Variants in PLAGL1 observed in about 807,000 individuals in gnomAD.
PLAGL1 encodes PLAG1 like zinc finger 1, also known as zinc finger protein PLAGL1.
In PLAGL1, 1 loss-of-function variant was observed where a neutral mutation model predicts 4.6. The observed-to-expected ratio is 0.22, with a 90% CI of 0.08 to 1.03. PLAGL1 has a LOEUF of 1.03. Among genes scored for constraint, PLAGL1 ranks in the 50% least tolerant of loss-of-function variants. The pLI, the probability that PLAGL1 is intolerant of heterozygous loss-of-function variation, is 0.58. For missense variants in PLAGL1, 464 were observed against 570.4 expected (o/e 0.81, Z 1.90); for synonymous variants, 240 against 237.8 (o/e 1.01, Z -0.08).
At position 143,948,191 on chromosome 6, in the gene PLAGL1, T is replaced by C; in HGVS notation, c.-55A>G. 6.5e-7 allele frequency: 1 copy of C among 1,544,328 alleles called. No homozygotes were observed. Among genetic ancestry groups the C allele is most frequent in the Non-Finnish European group, 8.9e-7 (1 of 1,120,922 alleles). On this transcript the variant is annotated 5_prime_UTR_variant, in exon 7 of 8. An upstream start codon of the reference 5' UTR is lost. Transcript: ENST00000674357. The surrounding 1 kb of genome is among the most constrained non-coding windows in gnomAD (Gnocchi z 6.0). ...GATGTGCTGACCAAATGCTGTGCCATTTAAGCACAAACAGAACGATGGTGC... is the reference window on the plus strand; with the variant it reads ...GATGTGCTGACCAAATGCTGTGCCACTTAAGCACAAACAGAACGATGGTGC...
intron 1 of PLAGL1, among the ~76,000 whole-genome samples, chr6:144,060,826 A>G (rs1393051515): frequency 6.6e-6 from 1 of 152,238 alleles, no homozygotes; most frequent in Non-Finnish European, 1.5e-5. Flanking sequence ...GTGAAAGGAT[A>G]TGCAAGAAAA....
chr6:144,023,763 T>C (rs1204998305), intron 1 of PLAGL1, among the ~76,000 whole-genome samples: 1 of 147,624 alleles, frequency 6.8e-6, no homozygotes, highest in East Asian at 2.0e-4. Flanking sequence ...TGAACTCATA[T>C]TTAGCTTTTT....
At chr6:144,051,430 C>A (rs2128724642) in intron 1 of PLAGL1, among the ~76,000 whole-genome samples, 1 of 152,330 alleles carries the variant, frequency 6.6e-6, no homozygotes. Context: ...CACACACATA[C>A]AATCAAATAA....
rs1336638219 is a variant in PLAGL1, at chr6:144,022,233, C to A, written c.-151+42235G>T. ...ACCTAATTAAAAGATGGGCAAAGAT[C>A]TGAACAGACAGCTCACCAGAGGAGA... On this transcript the variant is annotated intron_variant, in intron 1 of 3. Coordinates refer to the PLAGL1 transcript ENST00000437412. The surrounding 1 kb of genome is among the most constrained non-coding windows in gnomAD (Gnocchi z 4.2). Among the ~76,000 whole-genome samples the A allele has an allele frequency of 3.3e-5, 5 of 152,134 alleles. No individual in the cohort carries two copies. The highest frequency in any genetic ancestry group is 1.2e-4 in the African/African-American group (5 of 41,420).
chr6:143,976,978 A>G (rs1305532326), intron 2 of PLAGL1, among the ~76,000 whole-genome samples: 2 of 151,934 alleles, frequency 1.3e-5, no homozygotes, highest in African/African-American at 2.4e-5. Flanking sequence ...AGTTCAAAAT[A>G]TTTTCTAATT....
chr6:143,976,285 C>CTTTTTTTTTTTTT (rs58569870), intron 2 of PLAGL1, among the ~76,000 whole-genome samples: 1 of 113,258 alleles, frequency 8.8e-6, no homozygotes, highest in Non-Finnish European at 1.8e-5. Flanking sequence ...GATTTCTTTT[C>CTTTTTTTTTTTTT]TTTTTTTTTT....
intron 1 of PLAGL1, among the ~76,000 whole-genome samples, chr6:143,996,725 A>G (rs1791704906): frequency 6.6e-6 from 1 of 152,128 alleles, no homozygotes; most frequent in African/African-American, 2.4e-5. Flanking sequence ...CTTAGAGTTC[A>G]AAAACAGACA....
In PLAGL1 at chr6:143,950,712, C is replaced by T. The variant is rs1282634219; in HGVS notation, c.-324-2252G>A. Reference sequence around the variant, plus strand: ...TTACATTTCTCTCACCTACTTAACACCCTGCATATACACTTTTCTCAACTT... The same window carrying T: ...TTACATTTCTCTCACCTACTTAACATCCTGCATATACACTTTTCTCAACTT... On this transcript the variant is annotated intron_variant, in intron 6 of 7. Transcript: ENST00000674357. This position sits in a 1 kb window ranked among gnomAD's most constrained non-coding sequence, Gnocchi z 6.3. Among the ~76,000 whole-genome samples the T allele has an allele frequency of 6.6e-6, 1 of 152,166 alleles. No homozygotes were observed. The highest frequency in any genetic ancestry group is 1.5e-5 in the Non-Finnish European group (1 of 68,032).
At chr6:143,998,592 T>G (rs1327890177) in intron 1 of PLAGL1, among the ~76,000 whole-genome samples, 1 of 152,208 alleles carries the variant, frequency 6.6e-6, no homozygotes, top group Non-Finnish European at 1.5e-5. Flanking sequence ...GTCAGCCACT[T>G]GAACCCTATC....
At chr6:143,993,151 A>C (rs1790852062) in intron 1 of PLAGL1, among the ~76,000 whole-genome samples, 1 of 151,794 alleles carries the variant, frequency 6.6e-6, no homozygotes, top group Non-Finnish European at 1.5e-5. Flanking sequence ...TACTAAAAAT[A>C]GAAAAATTAG....
chr6:144,041,481 C>T (rs1174723927), intron 1 of PLAGL1, among the ~76,000 whole-genome samples: 13 of 152,104 alleles, frequency 8.5e-5, no homozygotes, highest in Non-Finnish European at 1.5e-4. Flanking sequence ...TGGTTTCCAG[C>T]TTCACCCATG....
chr6:144,029,744 C>T (rs1230713669), intron 1 of PLAGL1, among the ~76,000 whole-genome samples: 2 of 152,098 alleles, frequency 1.3e-5, no homozygotes, highest in African/African-American at 4.8e-5. Flanking sequence ...ATGGAAGTTG[C>T]CTCACATATT....
Position 144,061,283 on chromosome 6 carries a change from A to T in PLAGL1, c.-151+3185T>A, listed in dbSNP as rs1230322691. On this transcript the variant is annotated intron_variant, in intron 1 of 3. Transcript: ENST00000437412. The surrounding 1 kb of genome is among the most constrained non-coding windows in gnomAD (Gnocchi z 4.4). ...ATTTCACTTCAGTTACCCATCAGCC[A>T]TATGACGTTAGCAAGTCAGTCTCTT... 6.6e-6 allele frequency among the ~76,000 whole-genome samples: 1 copy of T among 152,250 alleles called. No homozygotes were observed. Among genetic ancestry groups the T allele is most frequent in the Non-Finnish European group, 1.5e-5 (1 of 68,042 alleles).
intron 1 of PLAGL1, among the ~76,000 whole-genome samples, chr6:144,042,091 G>GTAGATT: frequency 6.6e-6 from 1 of 152,200 alleles, no homozygotes; most frequent in Middle Eastern, 3.4e-3. Context: ...TGTCAGATGG[G>GTAGATT]TAGATTGCAA....
chr6:144,038,665 C>T (rs145238207), intron 1 of PLAGL1, among the ~76,000 whole-genome samples: 218 of 152,236 alleles, frequency 1.4e-3, no homozygotes, highest in African/African-American at 5.1e-3. Flanking sequence ...AAATGAAGTA[C>T]TGATACATGC....
At chr6:144,062,594 T>C (rs530965431) in intron 1 of PLAGL1, among the ~76,000 whole-genome samples, 174 of 151,900 alleles carry the variant, frequency 1.1e-3, no homozygotes, top group African/African-American at 3.9e-3. Flanking sequence ...TGGATGCTTT[T>C]CCCCCCAAAC....
At chr6:144,033,166 G>A (rs17616841) in intron 1 of PLAGL1, among the ~76,000 whole-genome samples, 12,743 of 152,226 alleles carry the variant, frequency 0.084, 783 homozygotes, top group Admixed American at 0.21. Context: ...CAAGAAGTGC[G>A]CAGATATGTG....
chr6:144,051,747 G>A (rs1798598973), intron 1 of PLAGL1, among the ~76,000 whole-genome samples: 1 of 152,178 alleles, frequency 6.6e-6, no homozygotes, highest in Non-Finnish European at 1.5e-5. Context: ...ATGAATGGTG[G>A]CAGGCAAGAG....
At chr6:144,049,894 T>C (rs1342986820) in intron 1 of PLAGL1, among the ~76,000 whole-genome samples, 3 of 152,040 alleles carry the variant, frequency 2.0e-5, no homozygotes, top group Non-Finnish European at 2.9e-5. Context: ...TAGCTTCTGA[T>C]CATGAGGGAG....
Sources: allele counts gnomAD v4.1 joint callset (sites outside exome capture counted in the v4.1 genomes callset), GRCh38; gene constraint gnomAD v4.1.1; non-coding constraint Gnocchi (gnomAD v3.1); transcripts MANE v1.5; gene names NCBI Gene and HGNC (gene_info 2026-07-23, HGNC 2026-07-21).